The following NUTM1 variants were observed in gnomAD, a reference collection of about 807,000 sequenced individuals.
NUTM1 encodes the protein NUT family member 1.
Under a neutral mutation model 88.7 loss-of-function variants are expected in NUTM1, and 39 were observed. The ratio of observed to expected loss-of-function variants is 0.44; its 90% CI spans 0.34 to 0.57. The LOEUF (loss-of-function observed/expected upper bound fraction) is 0.57. Ranked by LOEUF, NUTM1 falls within the 20% of genes least tolerant of loss-of-function variation. The pLI, the probability that NUTM1 is intolerant of heterozygous loss-of-function variation, is 0.01. For synonymous variants in NUTM1, 494 were observed against 538.0 expected, an observed-to-expected ratio of 0.92 and a Z score of 1.13; for missense variants, 1,350 against 1,414.5, an observed-to-expected ratio of 0.95 and a Z score of 0.73.
In NUTM1 at chr15:34,356,177, C is replaced by T; in HGVS notation, c.2169C>T (p.Thr723=). ...CCATGTGGGGAGATGACAGAGGTAC[C>T]CCCATGGCTCAGAGTTATGATCAGA... ...SGAMWGDDRG[T]PMAQSYDQNP... The change falls in exon 8 of 8, where the codon ACC becomes ACT. Residue 723 remains threonine, a synonymous_variant. Transcript: ENST00000537011. The T allele has an allele frequency of 6.2e-7, 1 of 1,610,664 alleles. No individual in the cohort carries two copies. Among genetic ancestry groups the T allele is most frequent in the Non-Finnish European group, 8.5e-7 (1 of 1,177,430 alleles).
In NUTM1 at chr15:34,357,257, C is replaced by A; in HGVS notation, c.3249C>A (p.Leu1083=). Residue 1083 remains leucine, a synonymous_variant, in exon 8 of 8, where the codon CTC becomes CTA. Coordinates refer to ENST00000537011, the MANE Select transcript of NUTM1 (RefSeq NM_001284292.2). The stretch of plus-strand genomic sequence containing the variant: ...GCAGCCAGAGAGCATCCCACCTGCT[C>A]CCTGCTGGAGCAAAAGGCCCCAGCA... ...GQGSQRASHL[L]PAGAKGPSKL... The A allele has an allele frequency of 5.6e-6, 9 of 1,614,124 alleles. No homozygotes were observed. In the South Asian group the frequency reaches 8.8e-5, roughly 16 times the overall value.
Position 34,356,832 on chromosome 15 carries a change from C to T in NUTM1, c.2824C>T (p.Leu942=), listed in dbSNP as rs1890822949. 6.2e-7 allele frequency: 1 copy of T among 1,612,264 alleles called. No individual in the cohort carries two copies. Among genetic ancestry groups the T allele is most frequent in the African/African-American group, 1.3e-5 (1 of 74,206 alleles). ...LDVKDDCGLQ[L]RVSEDTCPLN... ...TGTTAAAGATGACTGTGGCCTCCAA[C>T]TAAGGGTCAGCGAGGACACCTGCCC... Residue 942 remains leucine (L), a synonymous_variant, in exon 8 of 8, where the codon CTA becomes TTA. Transcript: ENST00000537011.
chr15:34,356,624 A>G lies in NUTM1; in HGVS notation c.2616A>G (p.Leu872=), dbSNP rs2140161626. ...DLWAEGCFPL[L]ESGDSTLGSS... is the part of the protein sequence containing the mutation. ...GGGCAGAAGGTTGCTTCCCATTGCT[A>G]GAAAGTGGTGATTCCACACTGGGGT... Residue 872 remains leucine (L), a synonymous_variant, in exon 8 of 8, where the codon CTA becomes CTG. Transcript: ENST00000537011. 6.2e-7 allele frequency: 1 copy of G among 1,613,992 alleles called. No homozygotes were observed. The highest frequency in any genetic ancestry group is 8.5e-7 in the Non-Finnish European group (1 of 1,179,992).
At position 34,357,467 on chromosome 15, in the gene NUTM1, GAAGA is replaced by G; in HGVS notation, c.3462_3465del (p.Lys1154AsnfsTer20). The G allele has an allele frequency of 6.2e-7, 1 of 1,613,080 alleles. No individual in the cohort carries two copies. The highest frequency in any genetic ancestry group is 8.5e-7 in the Non-Finnish European group (1 of 1,179,586). The stretch of plus-strand genomic sequence containing the variant: ...GTGACAGTTTTGTCACGGGCAGAAG[GAAGA>G]AACGACGTCGTAGCCAGTAGGGAGC... On this transcript the variant is annotated frameshift_variant, in exon 8 of 8. Coordinates refer to ENST00000537011, the MANE Select transcript of NUTM1 (RefSeq NM_001284292.2). LOFTEE classifies it high-confidence loss of function.
chr15:34,356,947 G>A lies in NUTM1; in HGVS notation c.2939G>A (p.Ser980Asn). The A allele has an allele frequency of 6.2e-7, 1 of 1,613,882 alleles. No homozygotes were observed. Among genetic ancestry groups the A allele is most frequent in the Non-Finnish European group, 8.5e-7 (1 of 1,180,004 alleles). Residue 980 changes from serine to asparagine, a missense_variant, in exon 8 of 8, where the codon AGT becomes AAT. Ser to Asn is a conservative substitution (Grantham distance 46). Transcript: ENST00000537011. ...KPKNLAPLQE[S>N]QESYTTGTPK... The stretch of plus-strand genomic sequence containing the variant: ...AAAAACCTTGCTCCTTTACAAGAGA[G>A]TCAGGAGTCTTACACAACTGGGACT...
chr15:34,352,791 G>A (rs1409452645), intron 4 of NUTM1, among the ~76,000 whole-genome samples: 1 of 150,360 alleles, frequency 6.7e-6, no homozygotes, highest in East Asian at 2.0e-4. Flanking sequence ...GGGCGACAGA[G>A]TGAGACTCTG....
intron 2 of NUTM1, among the ~76,000 whole-genome samples, chr15:34,346,492 G>A (rs899823303): frequency 5.3e-5 from 8 of 150,268 alleles, no homozygotes; most frequent in Non-Finnish European, 1.5e-5. Flanking sequence ...GGATGGGAGG[G>A]TAAGGTGGGA....
At chr15:34,352,949 G>A (rs1167344940) in intron 4 of NUTM1, among the ~76,000 whole-genome samples, 4 of 114,344 alleles carry the variant, frequency 3.5e-5, no homozygotes, top group South Asian at 6.9e-4. Context: ...GCAATGGCAC[G>A]ATCTCGGCTC....
Position 34,356,486 on chromosome 15 carries a change from A to G in NUTM1, c.2478A>G (p.Glu826=). ...CGGTVAAAAL[E]KRNYCSLPGP... ...GCACAGTTGCGGCAGCTGCCCTAGA[A>G]AAGAGAAACTATTGCAGCTTGCCAG... The change falls in exon 8 of 8, where the codon GAA becomes GAG. Residue 826 remains glutamate, a synonymous_variant. Coordinates refer to ENST00000537011, the MANE Select transcript of NUTM1 (RefSeq NM_001284292.2). 1 of 1,613,886 alleles carries G rather than the reference A, an allele frequency of 6.2e-7. No individual in the cohort carries two copies. The highest frequency in any genetic ancestry group is 1.3e-5 in the African/African-American group (1 of 75,012).
rs780170928 is a variant in NUTM1 at position 34,348,424 on chromosome 15, C to T, written c.556C>T (p.Leu186Phe). 4.3e-6 allele frequency: 7 copies of T among 1,614,136 alleles called. No homozygotes were observed. Among genetic ancestry groups the T allele is most frequent in the Admixed American group, 1.7e-5 (1 of 60,024 alleles). The change falls in exon 3 of 8, where the codon CTT becomes TTT. Residue 186 changes from leucine to phenylalanine, a missense_variant. Coordinates refer to ENST00000537011, the MANE Select transcript of NUTM1 (RefSeq NM_001284292.2). ...TGTCAGCCAGGAGGGTCCTCCAGGC[C>T]TTCCGCCTCAGCCTCCACCACCAGT... is the stretch of plus-strand genomic sequence containing the variant. ...VGVSQEGPPG[L>F]PPQPPPPVAQ...
At position 34,348,095 on chromosome 15, in the gene NUTM1, A is replaced by T. The variant is rs377187464; in HGVS notation, c.227A>T (p.Gln76Leu). 3 of 1,614,064 alleles carry T rather than the reference A, an allele frequency of 1.9e-6. No individual in the cohort carries two copies. Among genetic ancestry groups the T allele is most frequent in the Non-Finnish European group, 1.7e-6 (2 of 1,179,988 alleles). Reference sequence around the variant, plus strand: ...CACCCACCCAGGGAGCCACCTCCACAGCCCATCATGCCTTCAGTATTCTCT... The same window carrying T: ...CACCCACCCAGGGAGCCACCTCCACTGCCCATCATGCCTTCAGTATTCTCT... ...PDHPPREPPPQPIMPSVFSPD... is the reference protein window; with the variant it reads ...PDHPPREPPPLPIMPSVFSPD... The change falls in exon 3 of 8, where the codon CAG (glutamine) becomes CTG (leucine). Residue 76 changes from glutamine (Q) to leucine (L), a missense_variant. By Grantham distance (113) the Gln-to-Leu change is moderately radical. This residue lies in a region of NUTM1 where 399 missense variants were observed against 397.9 expected (regional missense o/e 1.00). Coordinates refer to ENST00000537011, the MANE Select transcript of NUTM1 (RefSeq NM_001284292.2).
chr15:34,354,767 T>A (rs1890771577), intron 6 of NUTM1, 35 bp downstream of exon 6: 1 of 1,607,926 alleles, frequency 6.2e-7, no homozygotes, highest in Admixed American at 1.7e-5. Flanking sequence ...TTCTAGCAGA[T>A]CCTTGGGGTG....
chr15:34,346,979 AAAAG>A (rs922247804), intron 2 of NUTM1, among the ~76,000 whole-genome samples: 2 of 147,380 alleles, frequency 1.4e-5, no homozygotes, highest in African/African-American at 2.5e-5. Flanking sequence ...GTCTTGTTGA[AAAAG>A]AAGCAACTTC....
chr15:34,353,627 T>C, intron 4 of NUTM1, 109 bp from the exon 5 acceptor site: 3 of 1,340,798 alleles, frequency 2.2e-6, no homozygotes, highest in Non-Finnish European at 3.1e-6. Flanking sequence ...AGGCAGACTT[T>C]GCCCACCTGA....
rs1595615621 is a variant in NUTM1 at position 34,357,540 on chromosome 15, G to A, written c.*49G>A. ...CACTTGCCAGTCCCTAAAGGTGGGT[G>A]CCCCAGAGTAGATTCCACCCCTGCT... is the stretch of plus-strand genomic sequence containing the variant. On this transcript the variant is annotated 3_prime_UTR_variant, in exon 8 of 8. Transcript: ENST00000537011. 6.2e-7 allele frequency: 1 copy of A among 1,610,660 alleles called. No homozygotes were observed. The highest frequency in any genetic ancestry group is 1.7e-5 in the Admixed American group (1 of 59,978).
intron 3 of NUTM1, among the ~76,000 whole-genome samples, chr15:34,349,236 A>G (rs1408759301): frequency 6.6e-6 from 1 of 152,198 alleles, no homozygotes; most frequent in East Asian, 1.9e-4. Context: ...TTAGTGGTCA[A>G]GGGCATGGCT....
chr15:34,345,119 C>G (rs1337484536), intron 1 of NUTM1, among the ~76,000 whole-genome samples: 1 of 152,102 alleles, frequency 6.6e-6, no homozygotes, highest in Non-Finnish European at 1.5e-5. Context: ...TCAGAGGAAG[C>G]AAGAAAGATG....
At position 34,350,798 on chromosome 15, in the gene NUTM1, T is replaced by G; in HGVS notation, c.904T>G (p.Phe302Val). 2 of 1,614,082 alleles carry G rather than the reference T, an allele frequency of 1.2e-6. No individual in the cohort carries two copies. Among genetic ancestry groups the G allele is most frequent in the Non-Finnish European group, 1.7e-6 (2 of 1,179,982 alleles). Reference protein sequence around the residue: ...AVQEWEHTSNFDRMIFYEMAE... With the variant: ...AVQEWEHTSNVDRMIFYEMAE... Reference sequence around the variant, plus strand: ...GCAGGAGTGGGAGCACACCAGCAACTTTGACCGGATGATCTTTTATGAGAT... The same window carrying G: ...GCAGGAGTGGGAGCACACCAGCAACGTTGACCGGATGATCTTTTATGAGAT... The change falls in exon 4 of 8, where the codon TTT becomes GTT. Residue 302 changes from phenylalanine (F) to valine (V), a missense_variant. Transcript: ENST00000537011.
chr15:34,343,850 A>G, intron 1 of NUTM1, 148 bp downstream of exon 1: 1 of 660,458 alleles, frequency 1.5e-6, no homozygotes, highest in Non-Finnish European at 2.5e-6. Context: ...TCGTTACGCC[A>G]TTATTTACAA....
Sources: gnomAD v4.1 joint callset for allele counts (sites outside exome capture counted in the v4.1 genomes callset) on GRCh38, gnomAD v4.1.1 for gene constraint, gnomAD v4.1.1 regional missense constraint, MANE v1.5 for transcripts, NCBI Gene and HGNC (gene_info 2026-07-23, HGNC 2026-07-21) for gene names.